RARB: variants seen among roughly 807,000 people sequenced by gnomAD.
RARB encodes the protein HBV-activated protein.
In RARB, 17 loss-of-function variants were observed where a neutral mutation model predicts 51.9. The observed-to-expected ratio is 0.33, with a 90% CI of 0.22 to 0.49. RARB has a LOEUF of 0.49. RARB is among the 20% of genes least tolerant of loss of function. RARB has a pLI of 0.99. For missense variants in RARB, 369 were observed against 550.8 expected, an observed-to-expected ratio of 0.67 and a Z score of 3.30; for synonymous variants, 215 against 195.4, an observed-to-expected ratio of 1.10 and a Z score of -0.84.
At chr3:25,198,254 C>G (rs9862292) in intron 5 of RARB, among the ~76,000 whole-genome samples, 2 of 152,140 alleles carry the variant, frequency 1.3e-5, no homozygotes, top group Admixed American at 1.3e-4. Flanking sequence ...CCTTCTCTTA[C>G]CATATACAAA....
intron 2 of RARB, among the ~76,000 whole-genome samples, chr3:25,044,025 C>CT (rs1698164558): frequency 1.4e-5 from 2 of 146,176 alleles, no homozygotes; most frequent in Admixed American, 6.8e-5. Context: ...CAGGTTTTCC[C>CT]ATTTTTTTTT....
At chr3:25,014,858 C>T (rs1469781814) in intron 2 of RARB, among the ~76,000 whole-genome samples, 1 of 152,072 alleles carries the variant, frequency 6.6e-6, no homozygotes, top group Admixed American at 6.6e-5. Context: ...AAAAAAAACC[C>T]TCACAAGTTC....
At chr3:24,908,615 A>G (rs1402854024) in intron 2 of RARB, among the ~76,000 whole-genome samples, 1 of 150,362 alleles carries the variant, frequency 6.7e-6, no homozygotes, top group Non-Finnish European at 1.5e-5. Flanking sequence ...AGATAAACAT[A>G]AAGGCTTTCT....
At chr3:25,302,863 C>A (rs1346694026) in intron 5 of RARB, among the ~76,000 whole-genome samples, 2 of 152,206 alleles carry the variant, frequency 1.3e-5, no homozygotes, top group Non-Finnish European at 2.9e-5. Flanking sequence ...CTTATCCACA[C>A]TTTTGTGGTT....
At chr3:25,554,261 G>A (rs1238992130) in intron 3 of RARB, among the ~76,000 whole-genome samples, 2 of 150,710 alleles carry the variant, frequency 1.3e-5, no homozygotes, top group Admixed American at 1.3e-4. Context: ...ATGAGGGGGT[G>A]AGTATTAATT....
chr3:24,992,766 C>T (rs910681110), intron 2 of RARB, among the ~76,000 whole-genome samples: 2 of 152,082 alleles, frequency 1.3e-5, no homozygotes, highest in Admixed American at 6.6e-5. Context: ...GATCCATTAG[C>T]GATCACCCAT....
At chr3:24,847,443 G>C (rs1227212012) in intron 1 of RARB, among the ~76,000 whole-genome samples, 2 of 152,172 alleles carry the variant, frequency 1.3e-5, no homozygotes, top group East Asian at 1.9e-4. Flanking sequence ...TTCCACCCTT[G>C]TTCTACTTTC....
At chr3:25,302,985 T>C (rs1443700479) in intron 5 of RARB, among the ~76,000 whole-genome samples, 1 of 152,230 alleles carries the variant, frequency 6.6e-6, no homozygotes, top group Non-Finnish European at 1.5e-5. Context: ...TCTTTATTTC[T>C]AAGGGGGCTA....
intron 5 of RARB, among the ~76,000 whole-genome samples, chr3:25,365,408 G>C (rs996880039): frequency 2.6e-5 from 4 of 151,764 alleles, no homozygotes; most frequent in Non-Finnish European, 4.4e-5. Context: ...CACCATGCCT[G>C]TCTCATCCAT....
intron 5 of RARB, among the ~76,000 whole-genome samples, chr3:25,273,485 CT>C (rs1490475442): frequency 1.3e-5 from 2 of 152,140 alleles, no homozygotes; most frequent in Non-Finnish European, 2.9e-5. Flanking sequence ...TTCTTAGAGG[CT>C]GCCTAATATG....
chr3:25,126,957 GT>G (rs964714621), intron 3 of RARB, among the ~76,000 whole-genome samples: 7 of 152,000 alleles, frequency 4.6e-5, no homozygotes, highest in Non-Finnish European at 1.0e-4. Flanking sequence ...TCAAATGCAA[GT>G]TCTTCACACA....
chr3:24,851,498 C>T (rs552610285), intron 1 of RARB, among the ~76,000 whole-genome samples: 8 of 152,110 alleles, frequency 5.3e-5, no homozygotes, highest in Non-Finnish European at 1.0e-4. Context: ...GATGCGGTTC[C>T]GTCCAGTGAC....
intron 3 of RARB, among the ~76,000 whole-genome samples, chr3:25,546,906 T>G (rs1389344776): frequency 6.6e-6 from 1 of 152,222 alleles, no homozygotes; most frequent in African/African-American, 2.4e-5. Context: ...CAAATAGTCT[T>G]TGAAAAGATT....
In RARB at chr3:25,194,522, TA is replaced by T. The variant is rs1460406032; in HGVS notation, c.178+19948del. Among the ~76,000 whole-genome samples the T allele has an allele frequency of 3.4e-5, 5 of 149,134 alleles. No individual in the cohort carries two copies. The East Asian group carries it at 9.9e-4, about 30-fold the overall frequency. On this transcript the variant is annotated intron_variant, in intron 5 of 11. Transcript: ENST00000383772. ...ACACATAGTGATATATATATGTTGATATATATATATATAATGTATATATCAT... is the reference window on the plus strand; with the variant it reads ...ACACATAGTGATATATATATGTTGATTATATATATATAATGTATATATCAT...
intron 5 of RARB, among the ~76,000 whole-genome samples, chr3:25,405,748 C>T (rs1400350810): frequency 6.6e-6 from 1 of 152,208 alleles, no homozygotes; most frequent in Non-Finnish European, 1.5e-5. Context: ...TATTATAGGG[C>T]ACAGATATTT....
chr3:25,058,393 T>C (rs1475523071), intron 2 of RARB, among the ~76,000 whole-genome samples: 2 of 151,836 alleles, frequency 1.3e-5, no homozygotes, highest in Admixed American at 1.3e-4. Flanking sequence ...CTGACCAATC[T>C]AATGACTTTT....
intron 5 of RARB, among the ~76,000 whole-genome samples, chr3:25,291,875 G>A (rs1251374383): frequency 6.6e-6 from 1 of 151,962 alleles, no homozygotes; most frequent in African/African-American, 2.4e-5. Flanking sequence ...AAGCACAGAG[G>A]CACAAAAGAA....
At chr3:25,195,208 G>A (rs117071495) in intron 5 of RARB, among the ~76,000 whole-genome samples, 2 of 151,734 alleles carry the variant, frequency 1.3e-5, no homozygotes, top group African/African-American at 4.8e-5. Flanking sequence ...TTTCCAAACA[G>A]TTTCACCTGA....
intron 5 of RARB, among the ~76,000 whole-genome samples, chr3:25,237,005 C>A (rs1327316218): frequency 2.1e-5 from 3 of 144,318 alleles, no homozygotes; most frequent in Non-Finnish European, 3.1e-5. Context: ...TCTTCCAGAA[C>A]TGAGTCAGTC....
Sources: allele counts gnomAD v4.1 joint callset (sites outside exome capture counted in the v4.1 genomes callset), GRCh38; gene constraint gnomAD v4.1.1; transcripts MANE v1.5; gene names NCBI Gene and HGNC (gene_info 2026-07-23, HGNC 2026-07-21).